Variants in TRAK1 observed in about 807,000 individuals in gnomAD.
The protein encoded by TRAK1 is trafficking kinesin protein 1.
TRAK1 carries 33 observed loss-of-function variants against 92.1 expected under a neutral mutation model. The observed-to-expected ratio is 0.36, with a 90% CI of 0.27 to 0.48. TRAK1 has a LOEUF of 0.48. Among genes scored for constraint, TRAK1 ranks in the 20% least tolerant of loss-of-function variants. TRAK1 has a pLI of 0.99. For synonymous variants in TRAK1, 521 were observed against 517.3 expected, an observed-to-expected ratio of 1.01 and a Z score of -0.10; for missense variants, 1,123 against 1,257.9, an observed-to-expected ratio of 0.89 and a Z score of 1.62.
At chr3:42,026,411 C>A (rs974878090) in intron 1 of TRAK1, among the ~76,000 whole-genome samples, 2 of 152,110 alleles carry the variant, frequency 1.3e-5, no homozygotes, top group Admixed American at 1.3e-4. Flanking sequence ...GACTGATAAG[C>A]TAGCCAGGGC....
intron 2 of TRAK1, among the ~76,000 whole-genome samples, chr3:42,129,304 C>T (rs1466326850): frequency 1.3e-5 from 2 of 151,874 alleles, no homozygotes; most frequent in Non-Finnish European, 2.9e-5. Flanking sequence ...CGGTTGTGGG[C>T]GGGCATGGGG....
chr3:42,150,287 G>A (rs1219780658), intron 2 of TRAK1, among the ~76,000 whole-genome samples: 1 of 152,148 alleles, frequency 6.6e-6, no homozygotes, highest in East Asian at 1.9e-4. Flanking sequence ...TTGTGTGGCT[G>A]GACAGGTCTC....
chr3:42,104,521 A>G (rs1016691611), intron 1 of TRAK1, among the ~76,000 whole-genome samples: 2 of 152,182 alleles, frequency 1.3e-5, no homozygotes, highest in Non-Finnish European at 2.9e-5. Context: ...TCAGGCAGCA[A>G]CGTCTGCCAT....
chr3:42,218,552 G>T, intron 14 of TRAK1: 1 of 984,832 alleles, frequency 1.0e-6, no homozygotes, highest in South Asian at 4.7e-5. Context: ...TGATGCTTGA[G>T]TTATGAATGA....
intron 2 of TRAK1, among the ~76,000 whole-genome samples, chr3:42,154,067 G>T (rs1473703796): frequency 6.6e-6 from 1 of 152,216 alleles, no homozygotes; most frequent in Non-Finnish European, 1.5e-5. Flanking sequence ...TCTGACATAG[G>T]AGCTGAGGAC....
exon 1 of TRAK1, chr3:42,014,068 C>CT (rs1044044598): frequency 3.3e-5 from 5 of 151,878 alleles, no homozygotes; most frequent in Non-Finnish European, 5.9e-5. Flanking sequence ...CCACCGAGGC[C>CT]CCCCGGCACC....
intron 15 of TRAK1, among the ~76,000 whole-genome samples, chr3:42,222,179 T>G (rs2149551297): frequency 6.6e-6 from 1 of 152,302 alleles, no homozygotes; most frequent in Admixed American, 6.5e-5. Flanking sequence ...TCTGCTTTCC[T>G]TCCGTAACTC....
intron 1 of TRAK1, among the ~76,000 whole-genome samples, chr3:42,021,563 A>G (rs1559702298): frequency 6.6e-6 from 1 of 152,114 alleles, no homozygotes; most frequent in African/African-American, 2.4e-5. Context: ...TCATTACCTT[A>G]TATGATAACC....
chr3:42,062,717 A>T (rs557338021), intron 1 of TRAK1, among the ~76,000 whole-genome samples: 12 of 152,232 alleles, frequency 7.9e-5, no homozygotes, highest in Admixed American at 2.0e-4. Context: ...TAGGTCTTTA[A>T]CAAAGACTAT....
chr3:42,174,006 T>C (rs1343143523), intron 2 of TRAK1, among the ~76,000 whole-genome samples: 1 of 152,150 alleles, frequency 6.6e-6, no homozygotes, highest in Non-Finnish European at 1.5e-5. Context: ...TGCTTACCCC[T>C]TATAGTATTG....
In TRAK1 at chr3:42,191,585, A is replaced by C; in HGVS notation, c.718A>C (p.Thr240Pro). 2.5e-6 allele frequency: 4 copies of C among 1,602,352 alleles called. No individual in the cohort carries two copies. Among genetic ancestry groups the C allele is most frequent in the Non-Finnish European group, 3.4e-6 (4 of 1,174,420 alleles). ...EASQLKTETI[T>P]YEEKEQQLVN... ...CAGCCAGCTGAAGACAGAGACCATCACCTATGAGGAGAAGGAGCAGCAGCT... is the reference window on the plus strand; with the variant it reads ...CAGCCAGCTGAAGACAGAGACCATCCCCTATGAGGAGAAGGAGCAGCAGCT... The change falls in exon 7 of 16, where the codon ACC (threonine) becomes CCC (proline). Residue 240 changes from threonine (T) to proline (P), a missense_variant. Physicochemically the swap from Thr to Pro is conservative, Grantham distance 38 (BLOSUM62 -1). Transcript: ENST00000327628.
chr3:42,153,296 C>T (rs1700152299), intron 2 of TRAK1, among the ~76,000 whole-genome samples: 1 of 151,886 alleles, frequency 6.6e-6, no homozygotes, highest in South Asian at 2.1e-4. Flanking sequence ...CCCAGCTACT[C>T]GGAAGCTGAG....
chr3:42,218,874 A>G (rs576565128), intron 14 of TRAK1: 1 of 985,380 alleles, frequency 1.0e-6, no homozygotes, highest in African/African-American at 1.7e-5. Context: ...TCAGGACCCT[A>G]GAGAGCCCTG....
chr3:42,107,699 G>GGTCTGTTAACCTCTTT (rs1707780556), intron 1 of TRAK1, among the ~76,000 whole-genome samples: 2 of 151,832 alleles, frequency 1.3e-5, no homozygotes, highest in African/African-American at 4.8e-5. Context: ...GTAACCTCTT[G>GGTCTGTTAACCTCTTT]GTCTGTTAAC....
rs913131998 is a variant in TRAK1, at chr3:42,224,785, CA to C, written c.*1050del. On this transcript the variant is annotated 3_prime_UTR_variant, in exon 16 of 16. Transcript: ENST00000327628. ...ATACCAAACCGGTTCCAGGGGGAAA[CA>C]AGGCTTTGGTATTCCGCTGGCTCCA... The C allele has an allele frequency of 1.3e-5, 2 of 152,248 alleles. No homozygotes were observed. The highest frequency in any genetic ancestry group is 4.8e-5 in the African/African-American group (2 of 41,462). 9.4% of individuals were successfully genotyped at this position (152,248 alleles called of 1,614,324 possible). A position where few individuals can be genotyped will look rare whatever the true frequency, so the allele number is the denominator to read the frequency against.
At chr3:42,150,506 C>T (rs964378608) in intron 2 of TRAK1, among the ~76,000 whole-genome samples, 13 of 152,030 alleles carry the variant, frequency 8.6e-5, no homozygotes, top group African/African-American at 1.9e-4. Flanking sequence ...AGGGTCTGTT[C>T]CCCAGTGATG....
chr3:42,129,368 G>C (rs1249499763), intron 2 of TRAK1, among the ~76,000 whole-genome samples: 1 of 152,148 alleles, frequency 6.6e-6, no homozygotes, highest in Non-Finnish European at 1.5e-5. Flanking sequence ...TCCTAGAGAA[G>C]AGGGCCAGCT....
rs1425301715 is a variant in TRAK1 at position 42,032,480 on chromosome 3, G to GGA, written c.-519+18363_-519+18364insGA. Among the ~76,000 whole-genome samples the GGA allele has an allele frequency of 5.5e-4, 66 of 120,898 alleles. 1 individual carries two copies. Among genetic ancestry groups the GGA allele is most frequent in the African/African-American group, 1.7e-3 (63 of 36,128 alleles). The allele number at this position is 120,898 out of a possible 152,430, so 79.3% of individuals were successfully genotyped here. The stretch of plus-strand genomic sequence containing the variant: ...AAATACACCCGGAGTGGGTCAACCT[G>GGA]AAAAAAAAAAAAAAAACCATCTTTG... On this transcript the variant is annotated intron_variant, in intron 1 of 16. Transcript: ENST00000487159.
At chr3:42,064,547 A>G (rs1364897115) in intron 1 of TRAK1, among the ~76,000 whole-genome samples, 1 of 152,230 alleles carries the variant, frequency 6.6e-6, no homozygotes, top group African/African-American at 2.4e-5. Flanking sequence ...GACTAATAGC[A>G]TAGAATGAAT....
Sources: gnomAD v4.1 joint callset for allele counts (sites outside exome capture counted in the v4.1 genomes callset) on GRCh38, gnomAD v4.1.1 for gene constraint, MANE v1.5 for transcripts, NCBI Gene and HGNC (gene_info 2026-07-23, HGNC 2026-07-21) for gene names.